Variants in BBOX1 observed in about 807,000 individuals in gnomAD.
The protein encoded by BBOX1 is gamma-butyrobetaine hydroxylase 1.
Under a neutral mutation model 41.6 loss-of-function variants are expected in BBOX1, and 35 were observed. That is an observed-to-expected ratio of 0.84 (90% CI 0.64 to 1.11). The LOEUF is 1.11. Among genes scored for constraint, BBOX1 ranks in the 50% most tolerant of loss-of-function variants. BBOX1 has a pLI of 0.00. For synonymous variants in BBOX1, 163 were observed against 154.7 expected (o/e 1.05, Z -0.40); for missense variants, 458 against 460.6 (o/e 0.99, Z 0.05).
intron 2 of BBOX1, among the ~76,000 whole-genome samples, chr11:27,051,328 G>C (rs952163345): frequency 1.3e-5 from 2 of 151,992 alleles, no homozygotes; most frequent in African/African-American, 4.8e-5. Context: ...TTTGGTTTGA[G>C]GGTAGTGCTG....
intron 2 of BBOX1, among the ~76,000 whole-genome samples, chr11:27,044,471 C>A (rs1351994014): frequency 1.3e-5 from 2 of 152,006 alleles, no homozygotes; most frequent in Non-Finnish European, 2.9e-5. Flanking sequence ...GCTTTTGTTG[C>A]CCTTGCTTTT....
In BBOX1 at chr11:27,125,777, C is replaced by A. The variant is rs139242616; in HGVS notation, c.960C>A (p.Leu320=). 5,284 of 1,613,042 alleles carry A rather than the reference C, an allele frequency of 3.3e-3. 10 individuals carry two copies. Among genetic ancestry groups the A allele is most frequent in the Non-Finnish European group, 4.0e-3 (4,685 of 1,179,676 alleles). ...CTGCTCTGAAGGAGTTTGTTGACCT[C>A]ATGAACAGCAAAGAATCCAAGTTTA... The part of the protein sequence containing the change: ...FYAALKEFVD[L]MNSKESKFTF... Residue 320 remains leucine, a synonymous_variant, in exon 8 of 9, where the codon CTC becomes CTA. Coordinates refer to ENST00000263182, the MANE Select transcript of BBOX1 (RefSeq NM_003986.3).
chr11:27,041,210 A>G lies in BBOX1; in HGVS notation c.-301-6A>G, dbSNP rs1176917185. ...TTTTTTTTTTTTTTTTTTAAAAAAAACACAGCACAAAAAAACAAAGACAAA... is the reference window on the plus strand; with the variant it reads ...TTTTTTTTTTTTTTTTTTAAAAAAAGCACAGCACAAAAAAACAAAGACAAA... On this transcript the variant is annotated splice_polypyrimidine_tract_variant and splice_region_variant and intron_variant, in intron 1 of 8. Coordinates refer to ENST00000263182, the MANE Select transcript of BBOX1 (RefSeq NM_003986.3). The G allele has an allele frequency of 6.7e-6, 1 of 148,640 alleles. No individual in the cohort carries two copies. 9.2% of individuals were successfully genotyped at this position (148,640 alleles called of 1,614,324 possible).
chr11:27,087,322 A>C (rs1858080272), intron 4 of BBOX1, among the ~76,000 whole-genome samples: 1 of 152,086 alleles, frequency 6.6e-6, no homozygotes, highest in African/African-American at 2.4e-5. Context: ...CAGCCACCCC[A>C]GCCCTCACCA....
In BBOX1 at chr11:27,089,746, T is replaced by A. The variant is rs542380369; in HGVS notation, c.335-3422T>A. ...AAGCTGTTTTCAATAAATCTTTTAA[T>A]GTTCTGGACATGGTCCACTTAGGTG... On this transcript the variant is annotated intron_variant, in intron 4 of 8. Transcript: ENST00000263182. Among the ~76,000 whole-genome samples the A allele has an allele frequency of 4.6e-5, 7 of 152,130 alleles. No individual in the cohort carries two copies. In the East Asian group the frequency reaches 1.4e-3, roughly 29 times the overall value.
At chr11:27,074,626 G>A (rs951426381) in intron 4 of BBOX1, among the ~76,000 whole-genome samples, 2 of 152,152 alleles carry the variant, frequency 1.3e-5, no homozygotes, top group African/African-American at 4.8e-5. Context: ...ATGATTTAGG[G>A]TATCTGGCAG....
intron 4 of BBOX1, among the ~76,000 whole-genome samples, chr11:27,092,428 T>A (rs1354334430): frequency 6.6e-6 from 1 of 152,020 alleles, no homozygotes; most frequent in African/African-American, 2.4e-5. Flanking sequence ...GCATTTCCTC[T>A]GTGTTCCACT....
chr11:27,102,910 G>A lies in BBOX1; in HGVS notation c.533+9544G>A, dbSNP rs963181223. On this transcript the variant is annotated intron_variant, in intron 5 of 8. Transcript: ENST00000263182. ...TCTTTTCCTTAAAAATAATTTGATGGCCAGGCATGGTGGCTCACGCCTGTA... is the reference window on the plus strand; with the variant it reads ...TCTTTTCCTTAAAAATAATTTGATGACCAGGCATGGTGGCTCACGCCTGTA... 4.1e-4 allele frequency among the ~76,000 whole-genome samples: 62 copies of A among 152,214 alleles called. No homozygotes were observed. The Middle Eastern group carries it at 0.01, about 25-fold the overall frequency.
chr11:27,081,034 CA>C (rs1161525067), intron 4 of BBOX1, among the ~76,000 whole-genome samples: 2 of 152,050 alleles, frequency 1.3e-5, no homozygotes, highest in Non-Finnish European at 2.9e-5. Flanking sequence ...TCTCACTTTC[CA>C]AAGGTCATGC....
At chr11:27,084,615 T>C (rs374717195) in intron 4 of BBOX1, among the ~76,000 whole-genome samples, 2 of 152,106 alleles carry the variant, frequency 1.3e-5, no homozygotes, top group Admixed American at 1.3e-4. Flanking sequence ...ATCCCCTGCA[T>C]ATTCAATAAG....
chr11:27,048,084 A>G (rs1590162482), intron 2 of BBOX1, among the ~76,000 whole-genome samples: 2 of 152,152 alleles, frequency 1.3e-5, no homozygotes, highest in Non-Finnish European at 2.9e-5. Context: ...TATATCCATA[A>G]CTTTACATAG....
At chr11:27,124,058 T>C (rs1375098731) in intron 7 of BBOX1, among the ~76,000 whole-genome samples, 2 of 152,196 alleles carry the variant, frequency 1.3e-5, no homozygotes, top group African/African-American at 4.8e-5. Flanking sequence ...AGAGCCACCA[T>C]GCACAAGGGG....
At chr11:27,059,739 A>C (rs1857083709) in intron 4 of BBOX1, among the ~76,000 whole-genome samples, 1 of 152,180 alleles carries the variant, frequency 6.6e-6, no homozygotes, top group Admixed American at 6.5e-5. Flanking sequence ...CAAAGGAGAT[A>C]ATTTTGGAGC....
At chr11:27,116,106 C>T (rs551808513) in intron 6 of BBOX1, among the ~76,000 whole-genome samples, 3 of 151,928 alleles carry the variant, frequency 2.0e-5, no homozygotes, top group South Asian at 2.1e-4. Flanking sequence ...ATAAAGAAAA[C>T]GTGGCAGATA....
intron 4 of BBOX1, among the ~76,000 whole-genome samples, chr11:27,067,146 T>C (rs547333529): frequency 2.1e-4 from 32 of 152,344 alleles, no homozygotes; most frequent in African/African-American, 7.7e-4. Context: ...AAAGATTTCC[T>C]TGAAAGTGGT....
At chr11:27,081,391 T>G (rs1265099556) in intron 4 of BBOX1, among the ~76,000 whole-genome samples, 1 of 152,152 alleles carries the variant, frequency 6.6e-6, no homozygotes. Flanking sequence ...GAACTCATCC[T>G]TTTTTATGGC....
chr11:27,079,227 T>G (rs1190976326), intron 4 of BBOX1, among the ~76,000 whole-genome samples: 1 of 152,128 alleles, frequency 6.6e-6, no homozygotes, highest in Non-Finnish European at 1.5e-5. Flanking sequence ...TAGCAAAAAT[T>G]TACCGACCTG....
At chr11:27,110,964 G>T (rs1054379748) in intron 5 of BBOX1, among the ~76,000 whole-genome samples, 6 of 151,758 alleles carry the variant, frequency 4.0e-5, no homozygotes, top group East Asian at 1.9e-4. Flanking sequence ...ATTACCCATT[G>T]TCTGGATCTT....
At chr11:27,085,156 C>T (rs1466828879) in intron 4 of BBOX1, among the ~76,000 whole-genome samples, 1 of 152,080 alleles carries the variant, frequency 6.6e-6, no homozygotes, top group Non-Finnish European at 1.5e-5. Flanking sequence ...TCTGTGCAGA[C>T]ATCATAGAAT....
Sources: gnomAD v4.1 joint callset for allele counts (sites outside exome capture counted in the v4.1 genomes callset) on GRCh38, gnomAD v4.1.1 for gene constraint, MANE v1.5 for transcripts, NCBI Gene and HGNC (gene_info 2026-07-23, HGNC 2026-07-21) for gene names.